The following ARHGAP11A variants were observed in gnomAD, a reference collection of about 807,000 sequenced individuals.
ARHGAP11A encodes rho GTPase-activating protein 11A.
In ARHGAP11A, 36 loss-of-function variants were observed where a neutral mutation model predicts 60.5. The ratio of observed to expected loss-of-function variants is 0.59; its 90% CI spans 0.46 to 0.79. The LOEUF is 0.79. Among genes scored for constraint, ARHGAP11A ranks in the 30% least tolerant of loss-of-function variants. The pLI is 0.00. For missense variants in ARHGAP11A, 1,071 were observed against 1,199.2 expected (o/e 0.89, Z 1.58); for synonymous variants, 362 against 415.5 (o/e 0.87, Z 1.57).
chr15:32,618,933 A>T (rs1436013779), intron 1 of ARHGAP11A, among the ~76,000 whole-genome samples: 1 of 152,184 alleles, frequency 6.6e-6, no homozygotes, highest in Non-Finnish European at 1.5e-5. Context: ...CCTGGGCCAC[A>T]AAGTGAGACT....
chr15:32,625,646 C>G lies in ARHGAP11A; in HGVS notation c.862+13C>G. On this transcript the variant is annotated intron_variant, in intron 6 of 11. Transcript: ENST00000361627. ...CAAAGTGTAGGAGGTAAGTGGCGGT[C>G]CCATTTTATGGAGGTACAGTGATTT... The G allele has an allele frequency of 6.2e-7, 1 of 1,613,636 alleles. No homozygotes were observed. The highest frequency in any genetic ancestry group is 8.5e-7 in the Non-Finnish European group (1 of 1,179,710).
rs1292505201 is a variant in ARHGAP11A at position 32,625,066 on chromosome 15, T to C, written c.552-14T>C. 1 of 1,613,442 alleles carries C rather than the reference T, an allele frequency of 6.2e-7. No individual in the cohort carries two copies. Among genetic ancestry groups the C allele is most frequent in the Non-Finnish European group, 8.5e-7 (1 of 1,179,698 alleles). On this transcript the variant is annotated splice_polypyrimidine_tract_variant and intron_variant, in intron 4 of 11. Transcript: ENST00000361627. Reference sequence around the variant, plus strand: ...ACGTTTGGCTCCATCTAATAAAGCGTTTATTCACTTAAGATCCAGTGAGAA... The same window carrying C: ...ACGTTTGGCTCCATCTAATAAAGCGCTTATTCACTTAAGATCCAGTGAGAA...
At position 32,637,659 on chromosome 15, in the gene ARHGAP11A, G is replaced by GGAT. The variant is rs2053757307; in HGVS notation, c.2890_2892dup (p.Asp964dup). ...CTGATGGCCAAGTTAAGGTTCCCTT[G>GGAT]GATGATCTGACTAATCATGATATAG... On this transcript the variant is annotated inframe_insertion, in exon 12 of 12. Coordinates refer to ENST00000361627, the MANE Select transcript of ARHGAP11A (RefSeq NM_014783.6). The GGAT allele has an allele frequency of 6.2e-6, 10 of 1,613,956 alleles. No individual in the cohort carries two copies. Among genetic ancestry groups the GGAT allele is most frequent in the Non-Finnish European group, 7.6e-6 (9 of 1,179,998 alleles).
chr15:32,618,683 C>G (rs975129508), intron 1 of ARHGAP11A, among the ~76,000 whole-genome samples: 7 of 152,030 alleles, frequency 4.6e-5, no homozygotes, highest in Non-Finnish European at 8.8e-5. Context: ...CGCCTGTAAT[C>G]CCAGCATTTT....
rs745463720 is a variant in ARHGAP11A, at chr15:32,637,469, G to T, written c.2696G>T (p.Gly899Val). ...KDSSVSCIKS[G>V]PKEQKSMSCE... ...TCCTCTGTTTCATGTATCAAATCAG[G>T]TCCTAAAGAACAGAAGTCCATGTCA... Residue 899 changes from glycine (G) to valine (V), a missense_variant, in exon 12 of 12, where the codon GGT becomes GTT. Gly to Val is a moderately radical substitution (Grantham distance 109, BLOSUM62 -3). Around this residue, in one of 4 missense-constraint regions of ARHGAP11A, gnomAD observed 776 missense variants for 760.2 expected, o/e 1.02. Transcript: ENST00000361627. 2 of 1,613,940 alleles carry T rather than the reference G, an allele frequency of 1.2e-6. No individual in the cohort carries two copies. Among genetic ancestry groups the T allele is most frequent in the Admixed American group, 1.7e-5 (1 of 60,016 alleles).
chr15:32,616,833 T>G (rs2053164410), intron 1 of ARHGAP11A, among the ~76,000 whole-genome samples: 1 of 152,268 alleles, frequency 6.6e-6, no homozygotes, highest in Non-Finnish European at 1.5e-5. Flanking sequence ...CAGTGCATTT[T>G]CTACATGAAT....
upstream of ARHGAP11A, chr15:32,615,303 T>G (rs1310240854): frequency 1.3e-5 from 2 of 152,124 alleles, no homozygotes; most frequent in African/African-American, 4.8e-5. Flanking sequence ...CCCCAAAAAC[T>G]GGCCTTGAAG....
chr15:32,616,957 T>C (rs935421292), intron 1 of ARHGAP11A, among the ~76,000 whole-genome samples: 1 of 152,186 alleles, frequency 6.6e-6, no homozygotes, highest in Non-Finnish European at 1.5e-5. Context: ...TTTGGGACAG[T>C]AAATTTTTTT....
chr15:32,615,207 G>A (rs1365369531), upstream of ARHGAP11A: 1 of 152,214 alleles, frequency 6.6e-6, no homozygotes, highest in Non-Finnish European at 1.5e-5. Context: ...ACGGGAATAA[G>A]TTGTCTTTTA....
In ARHGAP11A at chr15:32,636,993, T is replaced by C. The variant is rs367982621; in HGVS notation, c.2220T>C (p.Asn740=). ...AACTAAATAATAAATTAAAAGAGAA[T>C]GAGAATATGATGGAAGGTAACTTAC... is the stretch of plus-strand genomic sequence containing the variant. ...KDKLNNKLKE[N]ENMMEGNLPK... Residue 740 remains asparagine (N), a synonymous_variant, in exon 12 of 12, where the codon AAT becomes AAC. Coordinates refer to ENST00000361627, the MANE Select transcript of ARHGAP11A (RefSeq NM_014783.6). 4.1e-5 allele frequency: 66 copies of C among 1,609,544 alleles called. No individual in the cohort carries two copies. The African/African-American group carries it at 7.0e-4, about 17-fold the overall frequency.
chr15:32,617,487 T>G (rs1415836568), intron 1 of ARHGAP11A, among the ~76,000 whole-genome samples: 1 of 141,938 alleles, frequency 7.0e-6, no homozygotes, highest in Non-Finnish European at 1.5e-5. Flanking sequence ...TTTTTTTTTT[T>G]TTGAGATGGA....
chr15:32,618,964 C>G (rs1410115416), intron 1 of ARHGAP11A, among the ~76,000 whole-genome samples: 1 of 152,088 alleles, frequency 6.6e-6, no homozygotes, highest in African/African-American at 2.4e-5. Context: ...AAAAATACAC[C>G]TGTCATTTTT....
rs1363375190 is a variant in ARHGAP11A at position 32,616,125 on chromosome 15, T to C, written c.-87T>C. ...GAAAGCAGCCGAGCGGAGTTCAAAT[T>C]TGAGAGCGTTTGGAAATTGGAAGAC... is the stretch of plus-strand genomic sequence containing the variant. On this transcript the variant is annotated 5_prime_UTR_variant, in exon 1 of 12. Coordinates refer to ENST00000361627, the MANE Select transcript of ARHGAP11A (RefSeq NM_014783.6). The C allele has an allele frequency of 2.0e-6, 3 of 1,514,626 alleles. No homozygotes were observed. Among genetic ancestry groups the C allele is most frequent in the Non-Finnish European group, 2.7e-6 (3 of 1,131,402 alleles). The allele number at this position is 1,514,626 out of a possible 1,614,324, so 93.8% of individuals were successfully genotyped here.
Position 32,636,410 on chromosome 15 carries a change from T to C in ARHGAP11A, c.1637T>C (p.Val546Ala), listed in dbSNP as rs768509850. ...TCTTCAATGGTGGAAAATCTTGAGG[T>C]AGAAAACTCTTTGGAGCCTGATATT... ...EASSMVENLE[V>A]ENSLEPDIMV... is the part of the protein sequence containing the mutation. The change falls in exon 12 of 12, where the codon GTA becomes GCA. Residue 546 changes from valine (V) to alanine (A), a missense_variant. By Grantham distance (64) the Val-to-Ala change is moderately conservative (BLOSUM62 0). Coordinates refer to ENST00000361627, the MANE Select transcript of ARHGAP11A (RefSeq NM_014783.6). 6.2e-7 allele frequency: 1 copy of C among 1,614,066 alleles called. No homozygotes were observed. The highest frequency in any genetic ancestry group is 8.5e-7 in the Non-Finnish European group (1 of 1,179,970).
chr15:32,631,670 A>G (rs1252356026), intron 8 of ARHGAP11A, among the ~76,000 whole-genome samples: 1 of 152,102 alleles, frequency 6.6e-6, no homozygotes, highest in African/African-American at 2.4e-5. Flanking sequence ...GCGACCATTG[A>G]CACATTTTTT....
intron 6 of ARHGAP11A, among the ~76,000 whole-genome samples, chr15:32,626,057 T>G (rs945098104): frequency 8.5e-5 from 13 of 152,124 alleles, no homozygotes; most frequent in African/African-American, 3.1e-4. Context: ...TTGAGTGAAG[T>G]GTTCAGCATA....
Position 32,636,553 on chromosome 15 carries a change from G to A in ARHGAP11A, c.1780G>A (p.Glu594Lys), listed in dbSNP as rs986897972. ...LSGDENNMTK[E>K]TLVKVQKAFS... ...CGGGGATGAAAATAACATGACCAAA[G>A]AGACTTTGGTGAAAGTTCAAAAAGC... The change falls in exon 12 of 12, where the codon GAG becomes AAG. Residue 594 changes from glutamate to lysine, a missense_variant. This residue lies in a region of ARHGAP11A where 776 missense variants were observed against 760.2 expected (regional missense o/e 1.02). Transcript: ENST00000361627. 5 of 1,613,984 alleles carry A rather than the reference G, an allele frequency of 3.1e-6. No individual in the cohort carries two copies. The highest frequency in any genetic ancestry group is 1.7e-5 in the Admixed American group (1 of 60,002).
chr15:32,625,642 C>T lies in ARHGAP11A; in HGVS notation c.862+9C>T, dbSNP rs772273843. On this transcript the variant is annotated intron_variant, in intron 6 of 11. Transcript: ENST00000361627. Reference sequence around the variant, plus strand: ...AAGACAAAGTGTAGGAGGTAAGTGGCGGTCCCATTTTATGGAGGTACAGTG... The same window carrying T: ...AAGACAAAGTGTAGGAGGTAAGTGGTGGTCCCATTTTATGGAGGTACAGTG... 4.1e-5 allele frequency: 66 copies of T among 1,613,402 alleles called. No homozygotes were observed. In the African/African-American group the frequency reaches 6.0e-4, roughly 15 times the overall value.
At position 32,623,501 on chromosome 15, in the gene ARHGAP11A, C is replaced by A. The variant is rs151145791; in HGVS notation, c.210C>A (p.Val70=). The change falls in exon 3 of 12, where the codon GTC becomes GTA. Residue 70 remains valine (V), a synonymous_variant. Transcript: ENST00000361627. ...PEYGHIPSFL[V]DACTSLEDHI... is the part of the protein sequence containing the mutation. ...AAAATCTCTCTTTCAGCTTTCTTGTCGATGCTTGCACATCTTTAGAAGACC... is the reference window on the plus strand; with the variant it reads ...AAAATCTCTCTTTCAGCTTTCTTGTAGATGCTTGCACATCTTTAGAAGACC... The A allele has an allele frequency of 1.8e-4, 296 of 1,611,136 alleles. 1 individual carries two copies. In the African/African-American group the frequency reaches 3.5e-3, roughly 19 times the overall value.
Sources: gnomAD v4.1 joint callset for allele counts (sites outside exome capture counted in the v4.1 genomes callset) on GRCh38, gnomAD v4.1.1 for gene constraint, gnomAD v4.1.1 regional missense constraint, MANE v1.5 for transcripts, NCBI Gene and HGNC (gene_info 2026-07-23, HGNC 2026-07-21) for gene names.